Variants in ADAMTS19 observed in about 807,000 individuals in gnomAD.
ADAMTS19 encodes the protein A disintegrin and metalloproteinase with thrombospondin motifs 19.
A neutral mutation model predicts 153.3 loss-of-function variants in ADAMTS19; 93 were observed. That is an observed-to-expected ratio of 0.61 (90% CI 0.51 to 0.72). The LOEUF (loss-of-function observed/expected upper bound fraction) is 0.72. Among genes scored for constraint, ADAMTS19 ranks in the 30% least tolerant of loss-of-function variants. The pLI is 0.00. For missense variants in ADAMTS19, 1,482 were observed against 1,552.1 expected (o/e 0.95, Z 0.76); for synonymous variants, 600 against 556.6 (o/e 1.08, Z -1.10).
intron 2 of ADAMTS19, among the ~76,000 whole-genome samples, chr5:129,478,783 ATCC>A (rs1250894133): frequency 3.3e-5 from 5 of 152,088 alleles, no homozygotes; most frequent in Admixed American, 2.0e-4. Context: ...AGCTCAAGTG[ATCC>A]TCCTTATCAT....
At chr5:129,525,712 G>A (rs1751983542) in intron 3 of ADAMTS19, among the ~76,000 whole-genome samples, 1 of 151,886 alleles carries the variant, frequency 6.6e-6, no homozygotes, top group Non-Finnish European at 1.5e-5. Context: ...TTTCTGCTCT[G>A]ATTTGGCTTC....
intron 21 of ADAMTS19, among the ~76,000 whole-genome samples, chr5:129,719,010 A>C (rs1756854001): frequency 6.6e-6 from 1 of 152,202 alleles, no homozygotes; most frequent in African/African-American, 2.4e-5. Flanking sequence ...AGAAGTAAGG[A>C]ATCTTGGGTA....
chr5:129,609,766 A>G (rs934737606), intron 8 of ADAMTS19, among the ~76,000 whole-genome samples: 6 of 152,150 alleles, frequency 3.9e-5, no homozygotes, highest in African/African-American at 1.4e-4. Context: ...GAAAAAAATC[A>G]CCCAGCAAAT....
At chr5:129,629,341 C>A (rs551240972) in intron 10 of ADAMTS19, among the ~76,000 whole-genome samples, 37 of 152,014 alleles carry the variant, frequency 2.4e-4, no homozygotes, top group Admixed American at 1.1e-3. Context: ...ATTAGGCATC[C>A]TTATGACCAG....
chr5:129,471,274 G>T (rs887748000), intron 2 of ADAMTS19, among the ~76,000 whole-genome samples: 1 of 152,108 alleles, frequency 6.6e-6, no homozygotes, highest in Admixed American at 6.6e-5. Flanking sequence ...GTTAAGGTGG[G>T]AGGATCACCT....
At position 129,701,539 on chromosome 5, in the gene ADAMTS19, C is replaced by T. The variant is rs749725000; in HGVS notation, c.3106C>T (p.Arg1036Cys). ...TGGGCCCAAGCCCGCCTCTGCCCAG[C>T]GCTGTGAGGGCCAGGACTGCATGAC... ...CIGPKPASAQ[R>C]CEGQDCMTVW... The change falls in exon 20 of 23, where the codon CGC becomes TGC. Residue 1036 changes from arginine (R) to cysteine (C), a missense_variant. Coordinates refer to ENST00000274487, the MANE Select transcript of ADAMTS19 (RefSeq NM_133638.6). 55 of 1,614,064 alleles carry T rather than the reference C, an allele frequency of 3.4e-5. No homozygotes were observed. Among genetic ancestry groups the T allele is most frequent in the African/African-American group, 5.3e-5 (4 of 74,944 alleles).
At chr5:129,482,241 T>A (rs1474094273) in intron 2 of ADAMTS19, among the ~76,000 whole-genome samples, 1 of 152,148 alleles carries the variant, frequency 6.6e-6, no homozygotes, top group East Asian at 1.9e-4. Context: ...TGTTTCCAGA[T>A]ATTCTGAATT....
At chr5:129,572,398 AC>A (rs1272330667) in intron 7 of ADAMTS19, among the ~76,000 whole-genome samples, 1 of 151,968 alleles carries the variant, frequency 6.6e-6, no homozygotes, top group South Asian at 2.1e-4. Context: ...TTAACATATG[AC>A]CCAGCAATCC....
chr5:129,630,666 TA>T (rs2126999349), intron 10 of ADAMTS19, among the ~76,000 whole-genome samples: 1 of 152,074 alleles, frequency 6.6e-6, no homozygotes, highest in South Asian at 2.1e-4. Context: ...GTAGAGGAAA[TA>T]TTTTTTTTAA....
At chr5:129,493,094 A>G (rs1446461564) in intron 2 of ADAMTS19, among the ~76,000 whole-genome samples, 1 of 152,204 alleles carries the variant, frequency 6.6e-6, no homozygotes, top group Non-Finnish European at 1.5e-5. Context: ...ATAAATTACA[A>G]GAAGTGTAAT....
At chr5:129,558,531 CTCATGG>C (rs1196450541) in intron 7 of ADAMTS19, among the ~76,000 whole-genome samples, 3 of 152,062 alleles carry the variant, frequency 2.0e-5, no homozygotes, top group Non-Finnish European at 4.4e-5. Context: ...ATACACTCTA[CTCATGG>C]TCTGAAAGAC....
chr5:129,623,996 G>A (rs570345028), intron 10 of ADAMTS19, among the ~76,000 whole-genome samples: 19 of 151,394 alleles, frequency 1.3e-4, no homozygotes, highest in African/African-American at 4.6e-4. Flanking sequence ...GCATGGTGGC[G>A]GGCACCTGTA....
At chr5:129,646,147 C>G (rs193142996) in intron 11 of ADAMTS19, among the ~76,000 whole-genome samples, 1,602 of 151,908 alleles carry the variant, frequency 0.011, 24 homozygotes, top group African/African-American at 0.037. Flanking sequence ...CTCGGCCTCC[C>G]AAAGTGCTGG....
chr5:129,691,540 A>T (rs781207465), intron 18 of ADAMTS19, among the ~76,000 whole-genome samples: 1 of 152,126 alleles, frequency 6.6e-6, no homozygotes, highest in Non-Finnish European at 1.5e-5. Context: ...TCAAACAATA[A>T]CATTTCCATA....
At chr5:129,542,171 G>A (rs538712176) in intron 6 of ADAMTS19, among the ~76,000 whole-genome samples, 12 of 152,092 alleles carry the variant, frequency 7.9e-5, no homozygotes, top group South Asian at 2.1e-4. Context: ...AGAATCAGGC[G>A]TCAGGAAAGA....
chr5:129,486,011 A>C (rs1363998418), intron 2 of ADAMTS19, among the ~76,000 whole-genome samples: 1 of 151,998 alleles, frequency 6.6e-6, no homozygotes. Context: ...GGCTGGTGTC[A>C]AACTCCTGAC....
At chr5:129,528,464 T>G in intron 5 of ADAMTS19, 56 bp from the exon 6 acceptor site, 1 of 1,342,618 alleles carries the variant, frequency 7.4e-7, no homozygotes. Context: ...TTGTTGTTGT[T>G]GTTTTGTATA....
rs376649911 is a variant in ADAMTS19 at position 129,684,003 on chromosome 5, C to T, written c.2665-117C>T. 4 of 1,145,936 alleles carry T rather than the reference C, an allele frequency of 3.5e-6. No homozygotes were observed. The African/African-American group carries it at 6.2e-5, about 18-fold the overall frequency. 71.0% of individuals were successfully genotyped at this position (1,145,936 alleles called of 1,614,324 possible). A position where few individuals can be genotyped will look rare whatever the true frequency, so the allele number is the denominator to read the frequency against. On this transcript the variant is annotated intron_variant, in intron 17 of 22. Coordinates refer to ENST00000274487, the MANE Select transcript of ADAMTS19 (RefSeq NM_133638.6). ...GGTATGTCCACAACAGCAACAACAA[C>T]AACAAAATGCACACAACACAATGAG...
intron 18 of ADAMTS19, among the ~76,000 whole-genome samples, chr5:129,689,608 G>GTAATTT (rs1439472271): frequency 1.3e-5 from 2 of 151,936 alleles, no homozygotes; most frequent in East Asian, 3.9e-4. Context: ...TGTATTTTTA[G>GTAATTT]TAGAGACTGG....
Sources: gnomAD v4.1 joint callset for allele counts (sites outside exome capture counted in the v4.1 genomes callset) on GRCh38, gnomAD v4.1.1 for gene constraint, MANE v1.5 for transcripts, NCBI Gene and HGNC (gene_info 2026-07-23, HGNC 2026-07-21) for gene names.